Variants in LRCH3 observed in about 807,000 individuals in gnomAD.
LRCH3 encodes the protein leucine rich repeats and calponin homology domain containing 3, also known as DISP complex protein LRCH3.
A neutral mutation model predicts 104.5 loss-of-function variants in LRCH3; 68 were observed. That is an observed-to-expected ratio of 0.65 (90% CI 0.54 to 0.80). The LOEUF (loss-of-function observed/expected upper bound fraction) is 0.80, where lower values mean the gene tolerates loss of function less well. Among genes scored for constraint, LRCH3 ranks in the 30% least tolerant of loss-of-function variants. LRCH3 has a pLI of 0.00. For missense variants in LRCH3, 951 were observed against 953.9 expected (o/e 1.00, Z 0.04); for synonymous variants, 344 against 361.3 (o/e 0.95, Z 0.54).
chr3:197,837,976 C>T (rs1737101897), intron 9 of LRCH3, among the ~76,000 whole-genome samples: 1 of 152,006 alleles, frequency 6.6e-6, no homozygotes, highest in Non-Finnish European at 1.5e-5. Flanking sequence ...ACGAGAGTCA[C>T]TTGAACCTGG....
At chr3:197,819,628 A>G (rs1403880588) in intron 3 of LRCH3, among the ~76,000 whole-genome samples, 1 of 152,002 alleles carries the variant, frequency 6.6e-6, no homozygotes, top group East Asian at 1.9e-4. Context: ...AGGCAGGAGA[A>G]TTGCTGGAAC....
In LRCH3 at chr3:197,791,499, G is replaced by C; in HGVS notation, c.221G>C (p.Arg74Pro). 6.3e-7 allele frequency: 1 copy of C among 1,599,928 alleles called. No individual in the cohort carries two copies. ...GGCCGGAAACTGAGGGAGTTTCCCCGGGGAGCGGCCAACCACGACCTGACG... is the reference window on the plus strand; with the variant it reads ...GGCCGGAAACTGAGGGAGTTTCCCCCGGGAGCGGCCAACCACGACCTGACG... ...LSGRKLREFP[R>P]GAANHDLTDT... Residue 74 changes from arginine to proline, a missense_variant, in exon 1 of 21, where the codon CGG (arginine) becomes CCG (proline). By Grantham distance (103) the Arg-to-Pro change is moderately radical. Coordinates refer to ENST00000425562, the MANE Select transcript of LRCH3 (RefSeq NM_001365715.1).
intron 5 of LRCH3, among the ~76,000 whole-genome samples, chr3:197,827,722 C>A (rs950059554): frequency 1.1e-4 from 16 of 151,302 alleles, no homozygotes; most frequent in African/African-American, 3.6e-4. Flanking sequence ...TTAATTTTTT[C>A]TTGTAAAATT....
intron 15 of LRCH3, among the ~76,000 whole-genome samples, chr3:197,861,217 G>A (rs1740843911): frequency 6.6e-6 from 1 of 152,144 alleles, no homozygotes; most frequent in Non-Finnish European, 1.5e-5. Flanking sequence ...ATACCTGGAT[G>A]CCTCCTGAAA....
At position 197,870,682 on chromosome 3, in the gene LRCH3, T is replaced by G. The variant is rs1467587480; in HGVS notation, c.1992+404T>G. ...CGCCCGGCTGTAATTTTTAACAGAT[T>G]AGTGCTGGGATTGCAGGCGTGAGCT... On this transcript the variant is annotated intron_variant, in intron 18 of 20. Transcript: ENST00000425562. Among the ~76,000 whole-genome samples, 3 of 151,212 alleles carry G rather than the reference T, an allele frequency of 2.0e-5. No individual in the cohort carries two copies. The South Asian group carries it at 6.3e-4, about 32-fold the overall frequency.
rs573088447 is a variant in LRCH3 at position 197,866,956 on chromosome 3, G to A, written c.1873+737G>A. The stretch of plus-strand genomic sequence containing the variant: ...GGAGTTTGAGATCAGCCTGGCTAAC[G>A]TGGTGAAACCCTGTCTCTATTAAAA... On this transcript the variant is annotated intron_variant, in intron 17 of 20. Coordinates refer to ENST00000425562, the MANE Select transcript of LRCH3 (RefSeq NM_001365715.1). 7.2e-4 allele frequency among the ~76,000 whole-genome samples: 109 copies of A among 152,050 alleles called. 3 individuals carry two copies. The highest frequency in any genetic ancestry group is 3.4e-3 in the Middle Eastern group (1 of 294).
chr3:197,831,638 G>A (rs1333798957), intron 7 of LRCH3, among the ~76,000 whole-genome samples: 2 of 152,002 alleles, frequency 1.3e-5, no homozygotes, highest in Non-Finnish European at 2.9e-5. Context: ...AATTTATGGA[G>A]TCATGAATCT....
At chr3:197,820,915 GTTTA>G (rs1734427074) in intron 4 of LRCH3, among the ~76,000 whole-genome samples, 1 of 152,116 alleles carries the variant, frequency 6.6e-6, no homozygotes, top group South Asian at 2.1e-4. Flanking sequence ...AAATCTAATG[GTTTA>G]TTTAATAGTG....
intron 16 of LRCH3, 50 bp downstream of exon 16, chr3:197,865,521 T>C (rs775699301): frequency 1.7e-5 from 20 of 1,169,592 alleles, no homozygotes; most frequent in Non-Finnish European, 2.0e-5. Context: ...TAATTCTTTA[T>C]TTTTTTATTT....
rs142337674 is a variant in LRCH3, at chr3:197,840,411, C to T, written c.1328+1014C>T. On this transcript the variant is annotated intron_variant, in intron 10 of 20. Transcript: ENST00000425562. ...GGCGGAGGTTGCAGTGAGCCGAGATCGCACCATTGCCCTCCAGCCTGGGTG... is the reference window on the plus strand; with the variant it reads ...GGCGGAGGTTGCAGTGAGCCGAGATTGCACCATTGCCCTCCAGCCTGGGTG... 1.3e-3 allele frequency among the ~76,000 whole-genome samples: 204 copies of T among 152,224 alleles called. 8 individuals are homozygous for T. The East Asian group carries it at 0.032, about 24-fold the overall frequency.
In LRCH3 at chr3:197,830,661, A is replaced by G. The variant is rs540366974; in HGVS notation, c.888-109A>G. The G allele has an allele frequency of 4.8e-5, 39 of 808,728 alleles. No individual in the cohort carries two copies. The African/African-American group carries it at 6.4e-4, about 13-fold the overall frequency. The allele number at this position is 808,728 out of a possible 1,614,324, so 50.1% of individuals were successfully genotyped here. On this transcript the variant is annotated intron_variant, in intron 6 of 20. Transcript: ENST00000425562. ...AAATTAAAGCCCATTTAGTTCTAATAGTTAAGTGACTGCCACATTTCTTGT... is the reference window on the plus strand; with the variant it reads ...AAATTAAAGCCCATTTAGTTCTAATGGTTAAGTGACTGCCACATTTCTTGT...
Position 197,796,809 on chromosome 3 carries a change from A to G in LRCH3, c.262+5269A>G, listed in dbSNP as rs948635142. On this transcript the variant is annotated intron_variant, in intron 1 of 20. Coordinates refer to ENST00000425562, the MANE Select transcript of LRCH3 (RefSeq NM_001365715.1). ...ACCCTAAAATTTGTGTTATTGATCA[A>G]TAATTATACCGACAAGTTGGTTTCC... Among the ~76,000 whole-genome samples the G allele has an allele frequency of 8.5e-5, 13 of 152,222 alleles. 2 individuals are homozygous for G. Among genetic ancestry groups the G allele is most frequent in the East Asian group, 5.8e-4 (3 of 5,202 alleles).
rs955730014 is a variant in LRCH3 at position 197,854,254 on chromosome 3, G to A, written c.1591-138G>A. On this transcript the variant is annotated intron_variant, in intron 13 of 20. Transcript: ENST00000425562. This position sits in a 1 kb window ranked among gnomAD's most constrained non-coding sequence, Gnocchi z 4.5. ...TATAATGCATGAATTCCAGATGATT[G>A]TGAATGTGGTCCTCTATGTCAACGT... 9.4e-6 allele frequency: 7 copies of A among 744,432 alleles called. No homozygotes were observed. Among genetic ancestry groups the A allele is most frequent in the Admixed American group, 2.0e-5 (1 of 48,932 alleles). The allele number at this position is 744,432 out of a possible 1,614,324, so 46.1% of individuals were successfully genotyped here.
At chr3:197,865,995 T>A (rs1741437521) in intron 16 of LRCH3, 117 bp from the exon 17 acceptor site, 2 of 733,974 alleles carry the variant, frequency 2.7e-6, no homozygotes, top group Non-Finnish European at 4.5e-6. Context: ...CATCATTAAA[T>A]AGAATTATTT....
intron 1 of LRCH3, among the ~76,000 whole-genome samples, chr3:197,792,577 T>TTTTATATATATATATATATA (rs1553912028): frequency 9.8e-5 from 2 of 20,330 alleles, no homozygotes; most frequent in African/African-American, 2.3e-4. Flanking sequence ...CCAGCTAATT[T>TTTTATATATATATATATATA]TATATATATA....
In LRCH3 at chr3:197,815,049, T is replaced by C. The variant is rs1263866141; in HGVS notation, c.404T>C (p.Ile135Thr). ...LNLQALTFLN[I>T]SRNQLSTLPV... Reference sequence around the variant, plus strand: ...CTACAAGCTCTAACATTCTTAAATATTAGGTAAGAATATTGTTTTCTTATT... The same window carrying C: ...CTACAAGCTCTAACATTCTTAAATACTAGGTAAGAATATTGTTTTCTTATT... The change falls in exon 2 of 21, where the codon ATT becomes ACT. Residue 135 changes from isoleucine to threonine, a missense_variant. Physicochemically the swap from Ile to Thr is moderately conservative, Grantham distance 89. Coordinates refer to ENST00000425562, the MANE Select transcript of LRCH3 (RefSeq NM_001365715.1). The C allele has an allele frequency of 6.8e-7, 1 of 1,471,036 alleles. No individual in the cohort carries two copies. Among genetic ancestry groups the C allele is most frequent in the Admixed American group, 2.2e-5 (1 of 46,190 alleles). The allele number at this position is 1,471,036 out of a possible 1,614,324, so 91.1% of individuals were successfully genotyped here. A position where few individuals can be genotyped will look rare whatever the true frequency, so the allele number is the denominator to read the frequency against.
chr3:197,859,193 G>A (rs972709105), intron 15 of LRCH3: 1 of 384,242 alleles, frequency 2.6e-6, no homozygotes, highest in Non-Finnish European at 4.8e-6. Flanking sequence ...TTTCACTTTG[G>A]TTAGTATATA....
chr3:197,866,093 A>T lies in LRCH3; in HGVS notation c.1766-19A>T. On this transcript the variant is annotated intron_variant, in intron 16 of 20. Transcript: ENST00000425562. Reference sequence around the variant, plus strand: ...TTTTCATCTCCTTTAATCTCATTTTATTTTTCATGCTAATTTAGTTCATCA... The same window carrying T: ...TTTTCATCTCCTTTAATCTCATTTTTTTTTTCATGCTAATTTAGTTCATCA... 6.4e-7 allele frequency: 1 copy of T among 1,558,246 alleles called. No homozygotes were observed.
At chr3:197,828,703 CTT>C (rs752665561) in intron 5 of LRCH3, among the ~76,000 whole-genome samples, 2,060 of 112,718 alleles carry the variant, frequency 0.018, 22 homozygotes, top group East Asian at 0.04. Flanking sequence ...ATATGTTACT[CTT>C]TTTTTTTTTT....
Sources: allele counts gnomAD v4.1 joint callset (sites outside exome capture counted in the v4.1 genomes callset), GRCh38; gene constraint gnomAD v4.1.1; non-coding constraint Gnocchi (gnomAD v3.1); transcripts MANE v1.5; gene names NCBI Gene and HGNC (gene_info 2026-07-23, HGNC 2026-07-21).